The following CDK14 variants were observed in gnomAD, a reference collection of about 807,000 sequenced individuals.
The protein encoded by CDK14 is cyclin dependent kinase 14.
In CDK14, 34 loss-of-function variants were observed where a neutral mutation model predicts 60.7. The ratio of observed to expected loss-of-function variants is 0.56; its 90% CI spans 0.43 to 0.75. The LOEUF (loss-of-function observed/expected upper bound fraction) is 0.75, where lower values mean the gene tolerates loss of function less well. CDK14 is among the 30% of genes least tolerant of loss of function. The pLI is 0.00. For missense variants in CDK14, 482 were observed against 564.1 expected, an observed-to-expected ratio of 0.85 and a Z score of 1.47; for synonymous variants, 197 against 203.7, an observed-to-expected ratio of 0.97 and a Z score of 0.28.
chr7:90,992,062 TG>T lies in CDK14; in HGVS notation c.1041+7822del, dbSNP rs1433904331. Among the ~76,000 whole-genome samples the T allele has an allele frequency of 3.3e-5, 5 of 152,358 alleles. No homozygotes were observed. The East Asian group carries it at 9.6e-4, about 29-fold the overall frequency. On this transcript the variant is annotated intron_variant, in intron 10 of 14. Coordinates refer to ENST00000380050, the MANE Select transcript of CDK14 (RefSeq NM_001287135.2). ...GCAAAAATAAACATTGAGTGGTTCA[TG>T]TGTGGAGACATTAGATGGATGTTCT... is the stretch of plus-strand genomic sequence containing the variant.
At chr7:90,819,100 T>A (rs537073771) in intron 5 of CDK14, among the ~76,000 whole-genome samples, 3 of 152,266 alleles carry the variant, frequency 2.0e-5, no homozygotes, top group Admixed American at 2.0e-4. Flanking sequence ...TATATTGTTT[T>A]GGTCTGTGCA....
chr7:90,902,853 C>G (rs1282052733), intron 7 of CDK14, among the ~76,000 whole-genome samples: 1 of 151,860 alleles, frequency 6.6e-6, no homozygotes, highest in Non-Finnish European at 1.5e-5. Context: ...TGACGAGGGA[C>G]TAATATTTAG....
chr7:90,763,729 G>C (rs187844820), intron 4 of CDK14, among the ~76,000 whole-genome samples: 37 of 152,140 alleles, frequency 2.4e-4, no homozygotes, highest in African/African-American at 8.7e-4. Flanking sequence ...ATGAGTTAAT[G>C]GGTGCAGCAA....
intron 14 of CDK14, among the ~76,000 whole-genome samples, chr7:91,123,319 A>AT (rs1021795885): frequency 1.3e-5 from 2 of 151,050 alleles, no homozygotes; most frequent in Non-Finnish European, 1.5e-5. Flanking sequence ...TTATCCTACA[A>AT]TTTTTTTTTC....
chr7:90,972,015 T>A (rs1261265556), intron 9 of CDK14, among the ~76,000 whole-genome samples: 1 of 152,200 alleles, frequency 6.6e-6, no homozygotes, highest in South Asian at 2.1e-4. Context: ...TATTTTTTAC[T>A]TTTGTTTTTA....
chr7:90,972,864 C>T (rs1794969570), intron 9 of CDK14, among the ~76,000 whole-genome samples: 1 of 152,170 alleles, frequency 6.6e-6, no homozygotes, highest in Non-Finnish European at 1.5e-5. Context: ...AGAACAGCAG[C>T]ATCAACATGG....
At chr7:91,082,496 T>A (rs1332189468) in intron 12 of CDK14, among the ~76,000 whole-genome samples, 1 of 152,180 alleles carries the variant, frequency 6.6e-6, no homozygotes, top group Non-Finnish European at 1.5e-5. Flanking sequence ...TAAGAACTTA[T>A]AAAAATTGGT....
At chr7:90,789,256 GTTTTCTA>G (rs1194832265) in intron 4 of CDK14, among the ~76,000 whole-genome samples, 1 of 152,052 alleles carries the variant, frequency 6.6e-6, no homozygotes, top group Non-Finnish European at 1.5e-5. Context: ...GCAAAAGGCA[GTTTTCTA>G]TGAATTTATG....
intron 2 of CDK14, among the ~76,000 whole-genome samples, chr7:90,724,006 G>C (rs1563057901): frequency 6.6e-6 from 1 of 152,160 alleles, no homozygotes; most frequent in Non-Finnish European, 1.5e-5. Flanking sequence ...CTGTACAATT[G>C]AAGTCATTTC....
At chr7:90,869,359 A>G (rs1050859703) in intron 6 of CDK14, among the ~76,000 whole-genome samples, 1 of 152,198 alleles carries the variant, frequency 6.6e-6, no homozygotes, top group Admixed American at 6.5e-5. Flanking sequence ...CATTCTAGGC[A>G]GAAAGCTTGT....
At chr7:90,731,904 C>T (rs1416033621) in intron 3 of CDK14, among the ~76,000 whole-genome samples, 1 of 151,966 alleles carries the variant, frequency 6.6e-6, no homozygotes, top group Non-Finnish European at 1.5e-5. Flanking sequence ...GAGAGGGCAT[C>T]CTTGTCTTGT....
chr7:90,881,307 C>G (rs770921906), intron 6 of CDK14, among the ~76,000 whole-genome samples: 4 of 152,050 alleles, frequency 2.6e-5, no homozygotes, highest in Non-Finnish European at 5.9e-5. Flanking sequence ...TACAGAATAT[C>G]AACAGCTGAA....
chr7:90,775,657 C>CCCTTCCCCTCCCCCTTCCCCTCCA (rs1805006495), intron 4 of CDK14, among the ~76,000 whole-genome samples: 1 of 117,120 alleles, frequency 8.5e-6, no homozygotes. Context: ...CTTCCCCTCC[C>CCCTTCCCCTCCCCCTTCCCCTCCA]CCTTTCTCCT....
chr7:90,714,203 T>C (rs1802163190), intron 2 of CDK14, among the ~76,000 whole-genome samples: 1 of 152,042 alleles, frequency 6.6e-6, no homozygotes, highest in Non-Finnish European at 1.5e-5. Flanking sequence ...TTTGGAAGGG[T>C]AAATGTTCTT....
intron 10 of CDK14, among the ~76,000 whole-genome samples, chr7:91,031,016 C>A (rs1400988397): frequency 6.6e-6 from 1 of 152,298 alleles, no homozygotes; most frequent in South Asian, 2.1e-4. Flanking sequence ...GGCTGTTGTA[C>A]CAGAATGGTT....
At chr7:90,877,724 A>T (rs1250869577) in intron 6 of CDK14, among the ~76,000 whole-genome samples, 2 of 152,174 alleles carry the variant, frequency 1.3e-5, no homozygotes, top group Non-Finnish European at 2.9e-5. Context: ...TAACAAGAAG[A>T]TAAAAAGTCA....
At chr7:90,656,383 C>T (rs1455417487) in intron 2 of CDK14, among the ~76,000 whole-genome samples, 3 of 139,552 alleles carry the variant, frequency 2.1e-5, no homozygotes, top group Admixed American at 7.3e-5. Flanking sequence ...TTCTTTCTTT[C>T]TTTTTTTTTT....
intron 14 of CDK14, among the ~76,000 whole-genome samples, chr7:91,152,842 T>C (rs2115696036): frequency 6.6e-6 from 1 of 152,314 alleles, no homozygotes; most frequent in East Asian, 1.9e-4. Context: ...AGTAACACCA[T>C]TTTCCTGATT....
intron 14 of CDK14, among the ~76,000 whole-genome samples, chr7:91,165,011 G>A (rs985166232): frequency 1.3e-5 from 2 of 152,184 alleles, no homozygotes; most frequent in South Asian, 2.1e-4. Context: ...CTGAGAAACA[G>A]TTATTTGATC....
Sources: gnomAD v4.1 joint callset for allele counts (sites outside exome capture counted in the v4.1 genomes callset) on GRCh38, gnomAD v4.1.1 for gene constraint, MANE v1.5 for transcripts, NCBI Gene and HGNC (gene_info 2026-07-23, HGNC 2026-07-21) for gene names.